TRPC5: variants seen among roughly 807,000 people sequenced by gnomAD.
TRPC5 encodes the protein transient receptor potential cation channel subfamily C member 5.
TRPC5 carries 9 observed loss-of-function variants against 56.5 expected under a neutral mutation model. The ratio of observed to expected loss-of-function variants is 0.16; its 90% CI spans 0.10 to 0.28. The LOEUF is 0.28. Among genes scored for constraint, TRPC5 ranks in the 10% least tolerant of loss-of-function variants. The pLI is 1.00. For synonymous variants in TRPC5, 282 were observed against 278.5 expected (o/e 1.01, Z -0.13); for missense variants, 469 against 748.9 (o/e 0.63, Z 4.36).
At chrX:112,033,810 G>A (rs1929652393) in intron 1 of TRPC5, among the ~76,000 whole-genome samples, 1 of 111,888 alleles carries the variant, frequency 8.9e-6, no homozygotes, top group Admixed American at 9.5e-5. Flanking sequence ...ATGTGCCTGT[G>A]ATTCCAACTA....
At chrX:111,959,784 T>C (rs763648942) in intron 1 of TRPC5, among the ~76,000 whole-genome samples, 3 of 111,644 alleles carry the variant, frequency 2.7e-5, no homozygotes, top group African/African-American at 6.5e-5. Flanking sequence ...CAAATATCCA[T>C]GCTTAGGTCA....
chrX:112,070,339 G>A (rs572781068), intron 1 of TRPC5, among the ~76,000 whole-genome samples: 1 of 111,179 alleles, frequency 9.0e-6, no homozygotes, highest in South Asian at 3.8e-4. Flanking sequence ...GATTGACGCC[G>A]CCAAGTTCGA....
At chrX:111,942,098 A>T (rs761426863) in intron 2 of TRPC5, among the ~76,000 whole-genome samples, 1 of 111,928 alleles carries the variant, frequency 8.9e-6, no homozygotes, top group East Asian at 2.8e-4. Flanking sequence ...CAGGGAATTC[A>T]CCAGTCCCTT....
chrX:112,078,067 G>T (rs933127665), intron 1 of TRPC5, among the ~76,000 whole-genome samples: 1 of 111,733 alleles, frequency 8.9e-6, no homozygotes, highest in African/African-American at 3.3e-5. Flanking sequence ...GGGATTTCTA[G>T]ATGCCTTGCT....
intron 3 of TRPC5, among the ~76,000 whole-genome samples, chrX:111,889,862 G>A (rs1265600773): frequency 8.9e-6 from 1 of 111,758 alleles, no homozygotes; most frequent in African/African-American, 3.3e-5. Context: ...TGATCTTAAG[G>A]TGATTTTAAT....
intron 6 of TRPC5, 70 bp from the exon 7 acceptor site, chrX:111,835,186 G>T: frequency 2.1e-6 from 2 of 959,137 alleles, no homozygotes; most frequent in Non-Finnish European, 2.9e-6. Context: ...AAAATGTAAG[G>T]TGATCTGCTT....
At chrX:111,863,954 G>A (rs1923473918) in intron 3 of TRPC5, among the ~76,000 whole-genome samples, 1 of 111,047 alleles carries the variant, frequency 9.0e-6, no homozygotes, top group Non-Finnish European at 1.9e-5. Context: ...CATATTCCTG[G>A]GATAAATTCT....
intron 1 of TRPC5, among the ~76,000 whole-genome samples, chrX:112,041,575 A>G (rs1602407904): frequency 9.0e-6 from 1 of 111,606 alleles, no homozygotes; most frequent in Non-Finnish European, 1.9e-5. Flanking sequence ...CTGAATTTGA[A>G]CACCAGCAGT....
At chrX:111,873,526 T>C (rs181837247) in intron 3 of TRPC5, among the ~76,000 whole-genome samples, 227 of 111,581 alleles carry the variant, frequency 2.0e-3, no homozygotes, top group Middle Eastern at 4.6e-3. Flanking sequence ...CTCATGTCTG[T>C]AATCCCAGCA....
intron 2 of TRPC5, among the ~76,000 whole-genome samples, chrX:111,938,284 G>T (rs866200882): frequency 1.3e-4 from 12 of 90,946 alleles, no homozygotes; most frequent in Admixed American, 2.4e-4. Context: ...CAATCATGTC[G>T]TCTGCAAACA....
chrX:111,926,159 C>T (rs1181428177), intron 2 of TRPC5, among the ~76,000 whole-genome samples: 3 of 111,265 alleles, frequency 2.7e-5, no homozygotes, highest in African/African-American at 9.8e-5. Flanking sequence ...ATTAGTCATG[C>T]CAGTCTTAGC....
chrX:111,817,372 G>A (rs1223022225), intron 7 of TRPC5, among the ~76,000 whole-genome samples: 1 of 101,155 alleles, frequency 9.9e-6, no homozygotes, highest in Non-Finnish European at 2.0e-5. Context: ...TATCACCCAG[G>A]CTGGAGTGCA....
chrX:112,025,551 G>A (rs1929391370), intron 1 of TRPC5, among the ~76,000 whole-genome samples: 1 of 111,522 alleles, frequency 9.0e-6, no homozygotes, highest in South Asian at 3.8e-4. Context: ...TGGTAACCTA[G>A]TCATGCCCCC....
intron 3 of TRPC5, among the ~76,000 whole-genome samples, chrX:111,887,852 G>A (rs748383729): frequency 8.9e-6 from 1 of 112,182 alleles, no homozygotes; most frequent in South Asian, 3.7e-4. Context: ...CCTTCATGGA[G>A]CTTACATTCT....
chrX:111,831,135 A>G (rs1603047844), intron 7 of TRPC5, among the ~76,000 whole-genome samples: 2 of 112,519 alleles, frequency 1.8e-5, no homozygotes, highest in Non-Finnish European at 3.7e-5. Flanking sequence ...CCTAGATTCT[A>G]GCAGCTGTTC....
At chrX:111,866,358 G>T (rs915694614) in intron 3 of TRPC5, among the ~76,000 whole-genome samples, 2 of 113,476 alleles carry the variant, frequency 1.8e-5, no homozygotes, top group African/African-American at 6.4e-5. Context: ...GGCTAGCAAA[G>T]CCCAGAAGTG....
chrX:111,998,061 G>A (rs1272776422), intron 1 of TRPC5, among the ~76,000 whole-genome samples: 1 of 110,828 alleles, frequency 9.0e-6, no homozygotes, highest in East Asian at 2.9e-4. Context: ...ATCCTTTGGA[G>A]GAGAAGAGGC....
In TRPC5 at chrX:111,776,936, G is replaced by T. The variant is rs1421832863; in HGVS notation, c.2299C>A (p.Pro767Thr). ...GTGCTGCTAGTGGAAAAGCTCCTTGGATGTTTTCTATTTCCCAAGAGGTCA... is the reference window on the plus strand; with the variant it reads ...GTGCTGCTAGTGGAAAAGCTCCTTGTATGTTTTCTATTTCCCAAGAGGTCA... ...VLDLLGNRKH[P>T]RSFSTSSTEL... The change falls in exon 11 of 11, where the codon CCA becomes ACA. Residue 767 changes from proline to threonine, a missense_variant. This residue lies in a region of TRPC5 where 194 missense variants were observed against 221.8 expected (regional missense o/e 0.87). Transcript: ENST00000262839. 8.4e-6 allele frequency: 10 copies of T among 1,183,870 alleles called. No homozygotes were observed. Among genetic ancestry groups the T allele is most frequent in the Non-Finnish European group, 1.1e-5 (10 of 882,410 alleles).
At chrX:111,975,038 G>C (rs1927881864) in intron 1 of TRPC5, among the ~76,000 whole-genome samples, 1 of 110,947 alleles carries the variant, frequency 9.0e-6, no homozygotes, top group Admixed American at 9.6e-5. Context: ...ATGTATGGCT[G>C]TGTCTATGCC....
Sources: allele counts gnomAD v4.1 joint callset (sites outside exome capture counted in the v4.1 genomes callset), GRCh38; gene constraint gnomAD v4.1.1; regional missense constraint gnomAD v4.1.1; transcripts MANE v1.5; gene names NCBI Gene and HGNC (gene_info 2026-07-23, HGNC 2026-07-21).